The following RARS2 variants were observed in gnomAD, a reference collection of about 807,000 sequenced individuals.
RARS2 encodes the protein arginyl-tRNA synthetase 2, mitochondrial, also known as probable arginine--tRNA ligase, mitochondrial.
Under a neutral mutation model 88.5 loss-of-function variants are expected in RARS2, and 67 were observed. That is an observed-to-expected ratio of 0.76 (90% CI 0.62 to 0.93). The LOEUF is 0.93. Among genes scored for constraint, RARS2 ranks in the 40% least tolerant of loss-of-function variants. RARS2 has a pLI of 0.00. For synonymous variants in RARS2, 239 were observed against 230.3 expected, an observed-to-expected ratio of 1.04 and a Z score of -0.34; for missense variants, 664 against 684.2, an observed-to-expected ratio of 0.97 and a Z score of 0.33.
At chr6:87,542,017 A>G in intron 7 of RARS2, 23 bp from the exon 8 acceptor site, 1 of 1,582,502 alleles carries the variant, frequency 6.3e-7, no homozygotes, top group Non-Finnish European at 8.7e-7. Context: ...TCCGTAAATG[A>G]AAAATTATAA....
rs117516147 is a variant in RARS2, at chr6:87,524,658, A to G, written c.879-6T>C. 1,051 of 1,594,140 alleles carry G rather than the reference A, an allele frequency of 6.6e-4. 11 individuals are homozygous for G. In the East Asian group the frequency reaches 0.019, roughly 29 times the overall value. ...CTACTACAGCCGTTCCTTTTCTAGA[A>G]ATTCGAAAAGGTAACTCTGAAGCAA... On this transcript the variant is annotated splice_region_variant and splice_polypyrimidine_tract_variant and intron_variant, in intron 10 of 19. Coordinates refer to ENST00000369536, the MANE Select transcript of RARS2 (RefSeq NM_020320.5).
intron 1 of RARS2, 29 bp downstream of exon 1, chr6:87,589,893 G>C: frequency 1.9e-6 from 3 of 1,614,200 alleles, no homozygotes; most frequent in Non-Finnish European, 2.5e-6. Context: ...GCTCCTCAGG[G>C]ACTCCTCTGC....
intron 11 of RARS2, among the ~76,000 whole-genome samples, chr6:87,524,248 G>A (rs1043641510): frequency 2.6e-5 from 4 of 152,116 alleles, no homozygotes; most frequent in Non-Finnish European, 4.4e-5. Context: ...AAAAAAATGT[G>A]ACATGGCTGC....
intron 1 of RARS2, among the ~76,000 whole-genome samples, chr6:87,578,143 T>C (rs979553356): frequency 2.1e-5 from 3 of 142,842 alleles, no homozygotes; most frequent in Non-Finnish European, 4.6e-5. Context: ...AAAATAAAAA[T>C]AATAAAAACA....
chr6:87,528,987 T>C lies in RARS2; in HGVS notation c.878+555A>G, dbSNP rs372413890. 2.6e-5 allele frequency among the ~76,000 whole-genome samples: 4 copies of C among 152,198 alleles called. No homozygotes were observed. The East Asian group carries it at 5.8e-4, about 22-fold the overall frequency. ...TTGTACACCATAAATATATACAATATGTCATTCATCAATTACAACTTTTTT... is the reference window on the plus strand; with the variant it reads ...TTGTACACCATAAATATATACAATACGTCATTCATCAATTACAACTTTTTT... On this transcript the variant is annotated intron_variant, in intron 10 of 19. Transcript: ENST00000369536.
At chr6:87,588,440 T>G (rs1040007710) in intron 1 of RARS2, among the ~76,000 whole-genome samples, 2 of 152,152 alleles carry the variant, frequency 1.3e-5, no homozygotes, top group African/African-American at 4.8e-5. Context: ...CAATCATAGC[T>G]CACTGTAGCT....
At chr6:87,535,053 T>TCTTAG (rs67643238) in intron 8 of RARS2, among the ~76,000 whole-genome samples, 3 of 25,184 alleles carry the variant, frequency 1.2e-4, no homozygotes, top group Non-Finnish European at 2.0e-4. Flanking sequence ...GGTGGGAAAT[T>TCTTAG]CAATGACTTA....
At chr6:87,564,699 T>TA (rs1340034587) in intron 2 of RARS2, 4 of 242,598 alleles carry the variant, frequency 1.6e-5, no homozygotes, top group Admixed American at 5.2e-5. Context: ...AATAAATAAA[T>TA]AAAAAACAAA....
intron 4 of RARS2, among the ~76,000 whole-genome samples, chr6:87,555,994 A>C (rs1359908930): frequency 6.6e-6 from 1 of 152,240 alleles, no homozygotes; most frequent in Non-Finnish European, 1.5e-5. Flanking sequence ...CTGAGGGATT[A>C]AATAGTGCAG....
At chr6:87,571,691 A>G (rs1159425780) in intron 1 of RARS2, among the ~76,000 whole-genome samples, 1 of 152,248 alleles carries the variant, frequency 6.6e-6, no homozygotes, top group Non-Finnish European at 1.5e-5. Context: ...CAGGAGAGCA[A>G]TAAAATTAAA....
Position 87,545,705 on chromosome 6 carries a change from A to C in RARS2, c.452-6T>G. ...GAGATTTGCTATAAAATTTCCTAGT[A>C]ATCAATAAAGTATATAGTTTCTCAT... is the stretch of plus-strand genomic sequence containing the variant. On this transcript the variant is annotated splice_region_variant and splice_polypyrimidine_tract_variant and intron_variant, in intron 6 of 19. Transcript: ENST00000369536. 1 of 1,612,282 alleles carries C rather than the reference A, an allele frequency of 6.2e-7. No homozygotes were observed. Among genetic ancestry groups the C allele is most frequent in the Non-Finnish European group, 8.5e-7 (1 of 1,179,050 alleles).
At chr6:87,528,239 T>C (rs1351641045) in intron 10 of RARS2, among the ~76,000 whole-genome samples, 1 of 73,880 alleles carries the variant, frequency 1.4e-5, no homozygotes, top group African/African-American at 6.6e-5. Context: ...ATGGCTTTTA[T>C]AACAAAAAAA....
intron 6 of RARS2, among the ~76,000 whole-genome samples, chr6:87,546,906 A>G (rs1180401108): frequency 6.6e-6 from 1 of 152,184 alleles, no homozygotes; most frequent in Non-Finnish European, 1.5e-5. Flanking sequence ...CACAGATGGC[A>G]TATTCCTATT....
intron 1 of RARS2, chr6:87,589,594 A>C: frequency 3.4e-6 from 3 of 883,710 alleles, no homozygotes; most frequent in Non-Finnish European, 4.1e-6. Flanking sequence ...TAAAGTGTAA[A>C]GAACACTAAC....
intron 1 of RARS2, among the ~76,000 whole-genome samples, chr6:87,576,775 A>G (rs2128209452): frequency 6.6e-6 from 1 of 152,350 alleles, no homozygotes; most frequent in South Asian, 2.1e-4. Flanking sequence ...ATCAAGATAA[A>G]TTATATCAAG....
chr6:87,535,672 TTTTG>T (rs1285529860), intron 8 of RARS2, among the ~76,000 whole-genome samples: 1 of 125,262 alleles, frequency 8.0e-6, no homozygotes, highest in Non-Finnish European at 1.7e-5. Flanking sequence ...TATGTAACTG[TTTTG>T]TTTTTTTTTT....
chr6:87,517,145 G>A (rs1441423417), intron 17 of RARS2, among the ~76,000 whole-genome samples: 1 of 152,060 alleles, frequency 6.6e-6, no homozygotes, highest in Non-Finnish European at 1.5e-5. Flanking sequence ...AGGTGTGGTG[G>A]CACGCGCCTA....
At chr6:87,570,357 G>T (rs1311588668) in intron 1 of RARS2, among the ~76,000 whole-genome samples, 2 of 152,148 alleles carry the variant, frequency 1.3e-5, no homozygotes, top group Non-Finnish European at 2.9e-5. Flanking sequence ...CATAGCCAAA[G>T]TTGTGAACTA....
intron 11 of RARS2, among the ~76,000 whole-genome samples, chr6:87,522,523 TATG>T (rs1212592142): frequency 6.6e-6 from 1 of 152,146 alleles, no homozygotes; most frequent in East Asian, 1.9e-4. Context: ...TTTGATTATA[TATG>T]ATACTGGAAA....
Sources: allele counts gnomAD v4.1 joint callset (sites outside exome capture counted in the v4.1 genomes callset), GRCh38; gene constraint gnomAD v4.1.1; transcripts MANE v1.5; gene names NCBI Gene and HGNC (gene_info 2026-07-23, HGNC 2026-07-21).